The following PTK2B variants were observed in gnomAD, a reference collection of about 807,000 sequenced individuals.
PTK2B encodes the protein protein tyrosine kinase 2 beta, also known as protein-tyrosine kinase 2-beta.
Under a neutral mutation model 142.9 loss-of-function variants are expected in PTK2B, and 71 were observed. The observed-to-expected ratio is 0.50, with a 90% confidence interval of 0.41 to 0.61. The LOEUF is 0.61. Ranked by LOEUF, PTK2B falls within the 20% of genes least tolerant of loss-of-function variation. PTK2B has a pLI of 0.00. For missense variants in PTK2B, 1,105 were observed against 1,320.4 expected (o/e 0.84, Z 2.53); for synonymous variants, 519 against 503.4 (o/e 1.03, Z -0.42).
intron 1 of PTK2B, among the ~76,000 whole-genome samples, chr8:27,389,375 G>A (rs1039656533): frequency 3.3e-5 from 5 of 152,200 alleles, no homozygotes; most frequent in African/African-American, 4.8e-5. Context: ...TGGCAAGTAA[G>A]GAGCACAATG....
At chr8:27,450,162 T>C (rs2132433205) in intron 24 of PTK2B, among the ~76,000 whole-genome samples, 1 of 152,314 alleles carries the variant, frequency 6.6e-6, no homozygotes, top group African/African-American at 2.4e-5. Context: ...GGGTGCATGC[T>C]GTTGCTTGTT....
At chr8:27,455,584 CAA>C (rs1487116730) in intron 30 of PTK2B, among the ~76,000 whole-genome samples, 6 of 152,244 alleles carry the variant, frequency 3.9e-5, no homozygotes, top group Middle Eastern at 3.4e-3. Flanking sequence ...CAGTGTGTGA[CAA>C]GAGACACATG....
At position 27,444,232 on chromosome 8, in the gene PTK2B, T is replaced by A; in HGVS notation, c.2175T>A (p.Pro725=). 1 of 1,613,780 alleles carries A rather than the reference T, an allele frequency of 6.2e-7. No homozygotes were observed. Among genetic ancestry groups the A allele is most frequent in the Non-Finnish European group, 8.5e-7 (1 of 1,179,832 alleles). Residue 725 remains proline (P), a synonymous_variant, in exon 23 of 31, where the codon CCT becomes CCA. Transcript: ENST00000346049. ...CCAGCCGACCTAAGTACAGACCCCC[T>A]CCGCAAACCAACCTCCTGGCTCCAA... The part of the protein sequence containing the change: ...PKPSRPKYRP[P]PQTNLLAPKL...
In PTK2B at chr8:27,439,609, C is replaced by T. The variant is rs929590655; in HGVS notation, c.1834+211C>T. ...AGGCTAAGGACTGGCCTGGGCTGTGCAGGCTCATCTTCCTGGAAGAGGCTC... is the reference window on the plus strand; with the variant it reads ...AGGCTAAGGACTGGCCTGGGCTGTGTAGGCTCATCTTCCTGGAAGAGGCTC... On this transcript the variant is annotated intron_variant, in intron 20 of 30. Coordinates refer to ENST00000346049, the MANE Select transcript of PTK2B (RefSeq NM_173176.3). Among the ~76,000 whole-genome samples, 7 of 152,054 alleles carry T rather than the reference C, an allele frequency of 4.6e-5. No homozygotes were observed. In the South Asian group the frequency reaches 1.2e-3, roughly 27 times the overall value.
intron 11 of PTK2B, 115 bp downstream of exon 11, chr8:27,433,667 C>T: frequency 2.2e-6 from 2 of 923,256 alleles, no homozygotes; most frequent in Non-Finnish European, 3.3e-6. Flanking sequence ...AGGATTCTTC[C>T]CCCACAGCCC....
intron 1 of PTK2B, among the ~76,000 whole-genome samples, chr8:27,369,256 A>G (rs1806199233): frequency 6.6e-6 from 1 of 152,034 alleles, no homozygotes; most frequent in African/African-American, 2.4e-5. Context: ...TTATAATCAC[A>G]GGATCCCTTC....
Position 27,430,890 on chromosome 8 carries a change from G to T in PTK2B, c.684G>T (p.Arg228=). ...MQENLKPKQF[R]KMIQQTFQQY... ...CCCTCCCCCAGCCCAAACAGTTCCG[G>T]AAGATGATCCAGCAGACCTTCCAGC... The change falls in exon 8 of 31, where the codon CGG becomes CGT. Residue 228 remains arginine, a synonymous_variant. Transcript: ENST00000346049. 2 of 1,614,048 alleles carry T rather than the reference G, an allele frequency of 1.2e-6. No homozygotes were observed.
chr8:27,359,923 CG>C (rs746011486), intron 1 of PTK2B, among the ~76,000 whole-genome samples: 1 of 152,278 alleles, frequency 6.6e-6, no homozygotes, highest in East Asian at 1.9e-4. Context: ...GTTAAACCCC[CG>C]GCCCCAGCTC....
chr8:27,333,819 G>A (rs1186450181), intron 1 of PTK2B, among the ~76,000 whole-genome samples: 4 of 151,962 alleles, frequency 2.6e-5, no homozygotes, highest in South Asian at 2.1e-4. Flanking sequence ...TCATGTCTCC[G>A]GTGACCATCC....
Position 27,392,472 on chromosome 8 carries a change from T to C in PTK2B, c.-37-5076T>C, listed in dbSNP as rs149208702. ...ATTGCTTACGAGGAACTCTCACTTATGTTTTCTCACTTCATCTTCACCACC... is the reference window on the plus strand; with the variant it reads ...ATTGCTTACGAGGAACTCTCACTTACGTTTTCTCACTTCATCTTCACCACC... On this transcript the variant is annotated intron_variant, in intron 1 of 30. Coordinates refer to ENST00000346049, the MANE Select transcript of PTK2B (RefSeq NM_173176.3). 6.6e-3 allele frequency among the ~76,000 whole-genome samples: 1,008 copies of C among 152,314 alleles called. 8 individuals carry two copies. The highest frequency in any genetic ancestry group is 0.021 in the African/African-American group (889 of 41,582).
At chr8:27,407,037 A>G (rs2131587433) in intron 2 of PTK2B, among the ~76,000 whole-genome samples, 1 of 152,202 alleles carries the variant, frequency 6.6e-6, no homozygotes, top group East Asian at 1.9e-4. Context: ...CGTGGCATCA[A>G]GAACGCTTCA....
intron 3 of PTK2B, among the ~76,000 whole-genome samples, chr8:27,317,598 C>T (rs1169323197): frequency 6.6e-6 from 1 of 152,192 alleles, no homozygotes; most frequent in Non-Finnish European, 1.5e-5. Context: ...AGATAGTTCA[C>T]TGTCTGCCTT....
rs542855399 is a variant in PTK2B, at chr8:27,329,515, G to A, written c.-38+3834G>A. Among the ~76,000 whole-genome samples, 3 of 152,264 alleles carry A rather than the reference G, an allele frequency of 2.0e-5. No individual in the cohort carries two copies. In the South Asian group the frequency reaches 6.2e-4, roughly 32 times the overall value. On this transcript the variant is annotated intron_variant, in intron 1 of 30. Transcript: ENST00000346049. ...GGTCACTCAGTCTCTAGTTTCCCCT[G>A]CCTGGGACCCATATGTCTCAGGACC...
intron 24 of PTK2B, among the ~76,000 whole-genome samples, chr8:27,448,277 G>T (rs1411933406): frequency 6.6e-6 from 1 of 152,224 alleles, no homozygotes; most frequent in Non-Finnish European, 1.5e-5. Flanking sequence ...CAACAGATGG[G>T]TCATAGCCAG....
At position 27,435,837 on chromosome 8, in the gene PTK2B, T is replaced by A. The variant is rs576764041; in HGVS notation, c.1243+44T>A. The A allele has an allele frequency of 9.5e-6, 15 of 1,586,554 alleles. No homozygotes were observed. The South Asian group carries it at 1.5e-4, about 16-fold the overall frequency. On this transcript the variant is annotated intron_variant, in intron 14 of 30. Coordinates refer to ENST00000346049, the MANE Select transcript of PTK2B (RefSeq NM_173176.3). ...CACAGCGACCGTAGTCAAGGCCCTG[T>A]GAAATGACATGGCAAGGACTCTGGT... is the stretch of plus-strand genomic sequence containing the variant.
chr8:27,346,103 A>G (rs768620626), intron 1 of PTK2B, among the ~76,000 whole-genome samples: 2 of 152,262 alleles, frequency 1.3e-5, no homozygotes, highest in Non-Finnish European at 2.9e-5. Flanking sequence ...TGATTCAGCT[A>G]CAAGTCTGGT....
At chr8:27,408,481 A>G (rs1034415589) in intron 2 of PTK2B, among the ~76,000 whole-genome samples, 1 of 152,228 alleles carries the variant, frequency 6.6e-6, no homozygotes, top group Non-Finnish European at 1.5e-5. Flanking sequence ...TTGTTTGCTA[A>G]ACCTAAGCAT....
At chr8:27,395,525 C>T (rs1807993284) in intron 1 of PTK2B, among the ~76,000 whole-genome samples, 1 of 152,112 alleles carries the variant, frequency 6.6e-6, no homozygotes, top group South Asian at 2.1e-4. Flanking sequence ...TCCTGTGTCC[C>T]CTGGGCCCTG....
chr8:27,405,047 TCTCTCTCTCTCTCTCTC>T (rs1808627501), intron 2 of PTK2B, among the ~76,000 whole-genome samples: 4 of 64,068 alleles, frequency 6.2e-5, no homozygotes, highest in Non-Finnish European at 1.8e-4. Flanking sequence ...TCTCTCTCTC[TCTCTCTCTCTCTCTCTC>T]TCTCTTAGCC....
Sources: allele counts gnomAD v4.1 joint callset (sites outside exome capture counted in the v4.1 genomes callset), GRCh38; gene constraint gnomAD v4.1.1; transcripts MANE v1.5; gene names NCBI Gene and HGNC (gene_info 2026-07-23, HGNC 2026-07-21).